The following POP1 variants were observed in gnomAD, a reference collection of about 807,000 sequenced individuals.
POP1 encodes POP1 ribonuclease P/MRP subunit.
POP1 carries 75 observed loss-of-function variants against 102.2 expected under a neutral mutation model. That is an observed-to-expected ratio of 0.73 (90% CI 0.61 to 0.89). POP1 has a LOEUF of 0.89. Among genes scored for constraint, POP1 ranks in the 40% least tolerant of loss-of-function variants. POP1 has a pLI of 0.00. For missense variants in POP1, 1,116 were observed against 1,267.4 expected, an observed-to-expected ratio of 0.88 and a Z score of 1.81; for synonymous variants, 436 against 464.1, an observed-to-expected ratio of 0.94 and a Z score of 0.78.
At chr8:98,145,859 T>C (rs1048528756) in intron 11 of POP1, among the ~76,000 whole-genome samples, 1 of 151,980 alleles carries the variant, frequency 6.6e-6, no homozygotes, top group African/African-American at 2.4e-5. Context: ...TGAACCAAGA[T>C]TGCGCCACTG....
rs148702427 is a variant in POP1, at chr8:98,149,217, G to A, written c.1902+211G>A. ...ATTATAAGACCTGTGCTGACATATC[G>A]TCAATTGTTGAGGTTTTTAAAGTGG... is the stretch of plus-strand genomic sequence containing the variant. On this transcript the variant is annotated intron_variant, in intron 13 of 15. Transcript: ENST00000401707. Among the ~76,000 whole-genome samples the A allele has an allele frequency of 4.5e-3, 684 of 152,178 alleles. 5 individuals are homozygous for A. Among genetic ancestry groups the A allele is most frequent in the African/African-American group, 0.016 (649 of 41,512 alleles).
intron 5 of POP1, among the ~76,000 whole-genome samples, chr8:98,130,831 G>A (rs890773456): frequency 2.6e-5 from 4 of 152,168 alleles, no homozygotes; most frequent in African/African-American, 9.7e-5. Context: ...GTGGGATGCT[G>A]GGAAGGATGT....
At position 98,130,086 on chromosome 8, in the gene POP1, A is replaced by T. The variant is rs770082699; in HGVS notation, c.595A>T (p.Asn199Tyr). 5 of 1,614,078 alleles carry T rather than the reference A, an allele frequency of 3.1e-6. No individual in the cohort carries two copies. The highest frequency in any genetic ancestry group is 3.4e-6 in the Non-Finnish European group (4 of 1,180,046). Residue 199 changes from asparagine to tyrosine, a missense_variant, in exon 5 of 16, where the codon AAC becomes TAC. Asn to Tyr is a moderately radical substitution (Grantham distance 143, BLOSUM62 -2). Coordinates refer to ENST00000401707, the MANE Select transcript of POP1 (RefSeq NM_001145860.2). Reference sequence around the variant, plus strand: ...AGAATTTAACCGTAGACAAAAGAAGAACATTTGGTTAGAAACTCACATCTG... The same window carrying T: ...AGAATTTAACCGTAGACAAAAGAAGTACATTTGGTTAGAAACTCACATCTG... Reference protein sequence around the residue: ...TLEFNRRQKKNIWLETHIWHA... With the variant: ...TLEFNRRQKKYIWLETHIWHA...
At position 98,129,972 on chromosome 8, in the gene POP1, C is replaced by G. The variant is rs570006227; in HGVS notation, c.487-6C>G. ...CTGGGATATGTCCCTCTACTTGAAA[C>G]TATAGGCGGAGAAAGCCGTACATCA... On this transcript the variant is annotated splice_polypyrimidine_tract_variant and splice_region_variant and intron_variant, in intron 4 of 15. Transcript: ENST00000401707. 6.2e-7 allele frequency: 1 copy of G among 1,613,928 alleles called. No homozygotes were observed. The highest frequency in any genetic ancestry group is 2.2e-5 in the East Asian group (1 of 44,888).
chr8:98,137,538 T>G (rs1472173019), intron 9 of POP1, among the ~76,000 whole-genome samples: 1 of 152,142 alleles, frequency 6.6e-6, no homozygotes, highest in East Asian at 1.9e-4. Flanking sequence ...TCCGCCCACC[T>G]TGGCCTCCCA....
intron 3 of POP1, 81 bp downstream of exon 3, chr8:98,127,843 G>C: frequency 6.8e-7 from 1 of 1,470,864 alleles, no homozygotes; most frequent in Non-Finnish European, 9.5e-7. Context: ...CCTCCTTGTG[G>C]TCCTGGCTCT....
Position 98,146,669 on chromosome 8 carries a change from A to G in POP1, c.1696A>G (p.Lys566Glu), listed in dbSNP as rs1816852265. The G allele has an allele frequency of 1.2e-6, 2 of 1,609,454 alleles. No individual in the cohort carries two copies. Among genetic ancestry groups the G allele is most frequent in the South Asian group, 2.2e-5 (2 of 90,976 alleles). Residue 566 changes from lysine (K) to glutamate (E), a missense_variant, in exon 12 of 16, where the codon AAA becomes GAA. Physicochemically the swap from Lys to Glu is moderately conservative, Grantham distance 56 (BLOSUM62 1). Transcript: ENST00000401707. Reference sequence around the variant, plus strand: ...TATCTGTAAGAGTGTCACAGAGAATAAAATCTCGGATCAGGTAACTAATAG... The same window carrying G: ...TATCTGTAAGAGTGTCACAGAGAATGAAATCTCGGATCAGGTAACTAATAG... ...QDICKSVTENKISDQDLNRMR... is the reference protein window; with the variant it reads ...QDICKSVTENEISDQDLNRMR...
rs1816561444 is a variant in POP1 at position 98,136,873 on chromosome 8, G to A, written c.1281G>A (p.Met427Ile). The A allele has an allele frequency of 6.2e-7, 1 of 1,613,840 alleles. No individual in the cohort carries two copies. The highest frequency in any genetic ancestry group is 8.5e-7 in the Non-Finnish European group (1 of 1,179,692). ...CTTTCTTTTTCAGCGATTTGACGAT[G>A]GAGATGAACAGATTCCGGCTGATTG... Reference protein sequence around the residue: ...TTGIIISDLTMEMNRFRLIGP... With the variant: ...TTGIIISDLTIEMNRFRLIGP... The change falls in exon 9 of 16, where the codon ATG becomes ATA. Residue 427 changes from methionine (M) to isoleucine (I), a missense_variant. Transcript: ENST00000401707.
rs776233295 is a variant in POP1 at position 98,133,991 on chromosome 8, G to A, written c.778G>A (p.Glu260Lys). ...YCCLELKGKE[E>K]EILKALSGMC... ...TTGTTTGGAGTTGAAAGGCAAAGAG[G>A]AAGAAATACTAAAGGCGCTTTCTGG... Residue 260 changes from glutamate to lysine, a missense_variant, in exon 6 of 16, where the codon GAA becomes AAA. Glu to Lys is a moderately conservative substitution (Grantham distance 56). Coordinates refer to ENST00000401707, the MANE Select transcript of POP1 (RefSeq NM_001145860.2). 6.2e-7 allele frequency: 1 copy of A among 1,613,726 alleles called. No homozygotes were observed. The highest frequency in any genetic ancestry group is 8.5e-7 in the Non-Finnish European group (1 of 1,179,644).
chr8:98,123,195 G>A, intron 1 of POP1, 141 bp from the exon 2 acceptor site: 1 of 922,606 alleles, frequency 1.1e-6, no homozygotes, highest in Non-Finnish European at 1.6e-6. Flanking sequence ...TTATTTGACA[G>A]TGCAAACTGC....
In POP1 at chr8:98,157,988, C is replaced by T. The variant is rs764384479; in HGVS notation, c.2792C>T (p.Pro931Leu). 86 of 1,612,960 alleles carry T rather than the reference C, an allele frequency of 5.3e-5. 1 individual carries two copies. Among genetic ancestry groups the T allele is most frequent in the Admixed American group, 4.5e-4 (27 of 60,012 alleles). ...CCAGGACGTGCCTCTTCTGATGGCC[C>T]GGCGGGGGAAGAGCCCGTGGCTGGG... ...QKPGRASSDG[P>L]AGEEPVAGQE... The change falls in exon 16 of 16, where the codon CCG becomes CTG. Residue 931 changes from proline to leucine, a missense_variant. Transcript: ENST00000401707.
chr8:98,127,343 T>C (rs1816235137), intron 2 of POP1, among the ~76,000 whole-genome samples: 1 of 152,180 alleles, frequency 6.6e-6, no homozygotes, highest in South Asian at 2.1e-4. Flanking sequence ...CTGTATCTGT[T>C]ATATCCAAGG....
At chr8:98,130,860 T>C (rs976844656) in intron 5 of POP1, among the ~76,000 whole-genome samples, 3 of 152,236 alleles carry the variant, frequency 2.0e-5, no homozygotes, top group Non-Finnish European at 4.4e-5. Context: ...TTAAACGCTT[T>C]GAGAGGACAG....
intron 1 of POP1, among the ~76,000 whole-genome samples, chr8:98,120,446 A>G (rs1815976400): frequency 6.6e-6 from 1 of 152,178 alleles, no homozygotes; most frequent in Non-Finnish European, 1.5e-5. Context: ...TTGCAAAGCC[A>G]AAACCATGTA....
In POP1 at chr8:98,140,857, C is replaced by A; in HGVS notation, c.1563C>A (p.Ser521=). 6.2e-7 allele frequency: 1 copy of A among 1,613,952 alleles called. No homozygotes were observed. The highest frequency in any genetic ancestry group is 8.5e-7 in the Non-Finnish European group (1 of 1,179,910). Reference sequence around the variant, plus strand: ...GAATAAATTTGCCCCAAAAGAAGTCCAAAGCTTTGCCCAATCCAGAAAAAT... The same window carrying A: ...GAATAAATTTGCCCCAAAAGAAGTCAAAAGCTTTGCCCAATCCAGAAAAAT... ...DPRINLPQKK[S]KALPNPEKCQ... is the part of the protein sequence containing the mutation. Residue 521 remains serine, a synonymous_variant, in exon 11 of 16, where the codon TCC becomes TCA. Coordinates refer to ENST00000401707, the MANE Select transcript of POP1 (RefSeq NM_001145860.2).
At chr8:98,124,904 C>T (rs1563770501) in intron 2 of POP1, among the ~76,000 whole-genome samples, 1 of 152,178 alleles carries the variant, frequency 6.6e-6, no homozygotes, top group Non-Finnish European at 1.5e-5. Context: ...TTTGGGAAGA[C>T]AGCAAAAGCA....
intron 13 of POP1, among the ~76,000 whole-genome samples, chr8:98,149,375 T>A (rs1338598853): frequency 1.3e-5 from 2 of 152,238 alleles, no homozygotes; most frequent in African/African-American, 4.8e-5. Context: ...TTTGAAATGT[T>A]AACTATAACC....
rs1285211231 is a variant in POP1 at position 98,134,650 on chromosome 8, C to A, written c.1002C>A (p.Thr334=). Residue 334 remains threonine (T), a synonymous_variant, in exon 7 of 16, where the codon ACC becomes ACA. Transcript: ENST00000401707. Reference sequence around the variant, plus strand: ...AGCTGTGGATCTGGCTGCATCCAACCCTTAAACAGGTATAATCCTTCAGGT... The same window carrying A: ...AGCTGTGGATCTGGCTGCATCCAACACTTAAACAGGTATAATCCTTCAGGT... The part of the protein sequence containing the change: ...SRQLWIWLHP[T]LKQDILEEIK... The A allele has an allele frequency of 6.2e-7, 1 of 1,611,528 alleles. No individual in the cohort carries two copies. The highest frequency in any genetic ancestry group is 1.3e-5 in the African/African-American group (1 of 74,856).
At chr8:98,157,103 C>T (rs1170710324) in intron 15 of POP1, among the ~76,000 whole-genome samples, 1 of 152,058 alleles carries the variant, frequency 6.6e-6, no homozygotes, top group Non-Finnish European at 1.5e-5. Context: ...TCTCGAACTC[C>T]TGACCTCAGG....
Sources: allele counts gnomAD v4.1 joint callset (sites outside exome capture counted in the v4.1 genomes callset), GRCh38; gene constraint gnomAD v4.1.1; transcripts MANE v1.5; gene names NCBI Gene and HGNC (gene_info 2026-07-23, HGNC 2026-07-21).